Variants in UNC5D observed in about 807,000 individuals in gnomAD.
UNC5D encodes the protein unc-5 netrin receptor D, also known as netrin receptor UNC5D.
A neutral mutation model predicts 105.4 loss-of-function variants in UNC5D; 39 were observed. That is an observed-to-expected ratio of 0.37 (90% CI 0.29 to 0.48). UNC5D has a LOEUF of 0.48. Ranked by LOEUF, UNC5D falls within the 20% of genes least tolerant of loss-of-function variation. The probability of loss-of-function intolerance (pLI) is 0.98; values close to 1 mark genes in which losing one functional copy is unlikely to be tolerated. For missense variants in UNC5D, 991 were observed against 1,202.4 expected (o/e 0.82, Z 2.60); for synonymous variants, 452 against 450.4 (o/e 1.00, Z -0.04).
chr8:35,748,347 C>T (rs961435386), intron 11 of UNC5D, among the ~76,000 whole-genome samples, 180 bp from the exon 12 acceptor site: 17 of 152,128 alleles, frequency 1.1e-4, no homozygotes, highest in African/African-American at 3.9e-4. Flanking sequence ...AAACTCCTTC[C>T]GTGTGTCTGA....
intron 1 of UNC5D, among the ~76,000 whole-genome samples, chr8:35,498,877 T>C (rs964917864): frequency 6.6e-6 from 1 of 152,074 alleles, no homozygotes; most frequent in Non-Finnish European, 1.5e-5. Context: ...TCCTAGGATC[T>C]TTTTTCCCTA....
chr8:35,326,933 G>A (rs1190036370), intron 1 of UNC5D, among the ~76,000 whole-genome samples: 1 of 152,128 alleles, frequency 6.6e-6, no homozygotes, highest in Non-Finnish European at 1.5e-5. Context: ...AGAAGGAAGG[G>A]TCAATCCCTG....
In UNC5D at chr8:35,472,181, C is replaced by T. The variant is rs1203761708; in HGVS notation, c.104-77111C>T. ...AGAAAAGGAGATCTCATCAGAAGAA[C>T]ACTTATTATTCCCATAGGTAGGAAA... On this transcript the variant is annotated intron_variant, in intron 1 of 16. Transcript: ENST00000404895. 2.6e-5 allele frequency among the ~76,000 whole-genome samples: 4 copies of T among 152,148 alleles called. 1 individual carries two copies. The highest frequency in any genetic ancestry group is 2.6e-4 in the Admixed American group (4 of 15,262).
rs5890816 is a variant in UNC5D at position 35,482,793 on chromosome 8, C to CTTTTTTTT, written c.104-66480_104-66473dup. ...TATATCAGTGTGTCATTAAAGAGATCTTTTTTTTTTTTTTTTTTTTTTTTT... is the reference window on the plus strand; with the variant it reads ...TATATCAGTGTGTCATTAAAGAGATCTTTTTTTTTTTTTTTTTTTTTTTTTTTTTTTTT... On this transcript the variant is annotated intron_variant, in intron 1 of 16. Transcript: ENST00000404895. Among the ~76,000 whole-genome samples the CTTTTTTTT allele has an allele frequency of 2.3e-4, 18 of 78,146 alleles. 1 individual carries two copies. Among genetic ancestry groups the CTTTTTTTT allele is most frequent in the African/African-American group, 4.9e-4 (9 of 18,232 alleles). The allele number at this position is 78,146 out of a possible 152,430, so 51.3% of individuals were successfully genotyped here. A position where few individuals can be genotyped will look rare whatever the true frequency, so the allele number is the denominator to read the frequency against.
chr8:35,306,704 A>G (rs752836335), intron 1 of UNC5D, among the ~76,000 whole-genome samples: 6 of 152,174 alleles, frequency 3.9e-5, no homozygotes, highest in Non-Finnish European at 7.4e-5. Flanking sequence ...AATCATCACC[A>G]TCATGAATTG....
chr8:35,608,622 A>G (rs1219234322), intron 4 of UNC5D, among the ~76,000 whole-genome samples: 3 of 152,092 alleles, frequency 2.0e-5, no homozygotes, highest in African/African-American at 4.8e-5. Context: ...CATCTCCACT[A>G]TCTGTCATTT....
intron 4 of UNC5D, 48 bp downstream of exon 4, chr8:35,595,705 C>T (rs1456218197): frequency 1.3e-6 from 2 of 1,558,230 alleles, no homozygotes; most frequent in Non-Finnish European, 1.8e-6. Context: ...CAGGCCTGTT[C>T]CCAAGAGGGA....
At position 35,507,306 on chromosome 8, in the gene UNC5D, C is replaced by T. The variant is rs1003875437; in HGVS notation, c.104-41986C>T. ...TCCTGACCTCGTGATCCGCCCGCCT[C>T]GGCCTCCCAAAGTGCTGGGATTACA... On this transcript the variant is annotated intron_variant, in intron 1 of 16. Coordinates refer to ENST00000404895, the MANE Select transcript of UNC5D (RefSeq NM_080872.4). 1.3e-4 allele frequency among the ~76,000 whole-genome samples: 20 copies of T among 152,152 alleles called. No homozygotes were observed. The East Asian group carries it at 1.9e-3, about 15-fold the overall frequency.
At chr8:35,787,820 A>G (rs1802818158) in intron 16 of UNC5D, among the ~76,000 whole-genome samples, 2 of 151,972 alleles carry the variant, frequency 1.3e-5, no homozygotes, top group South Asian at 4.1e-4. Context: ...AAGTCTTGCT[A>G]TGTTTTCCAG....
intron 3 of UNC5D, among the ~76,000 whole-genome samples, chr8:35,581,107 C>T (rs1012729590): frequency 6.6e-5 from 10 of 152,096 alleles, no homozygotes; most frequent in Non-Finnish European, 1.0e-4. Flanking sequence ...GAATCCTCAT[C>T]TCTGGAAGGA....
rs113814234 is a variant in UNC5D at position 35,593,614 on chromosome 8, T to A, written c.467-1940T>A. ...TTTCTACAGAAAATTTTTTAAAAAG[T>A]AGCCATGTGTGATGTCACACACCTG... On this transcript the variant is annotated intron_variant, in intron 3 of 16. Transcript: ENST00000404895. 9.6e-3 allele frequency among the ~76,000 whole-genome samples: 1,457 copies of A among 152,108 alleles called. 23 individuals carry two copies. Among genetic ancestry groups the A allele is most frequent in the African/African-American group, 0.034 (1,398 of 41,482 alleles).
At chr8:35,589,851 A>C (rs1174940231) in intron 3 of UNC5D, among the ~76,000 whole-genome samples, 2 of 152,156 alleles carry the variant, frequency 1.3e-5, no homozygotes, top group Admixed American at 6.5e-5. Flanking sequence ...TTATTGCTAA[A>C]CAGAATGCCA....
intron 1 of UNC5D, among the ~76,000 whole-genome samples, chr8:35,258,266 A>T (rs1427851382): frequency 1.3e-5 from 2 of 152,262 alleles, no homozygotes; most frequent in African/African-American, 4.8e-5. Flanking sequence ...TCATCAGGGC[A>T]GAGCCCTCAT....
chr8:35,477,668 C>T (rs533060402), intron 1 of UNC5D, among the ~76,000 whole-genome samples: 3 of 152,102 alleles, frequency 2.0e-5, no homozygotes, highest in South Asian at 4.2e-4. Flanking sequence ...TCAACTGAAA[C>T]GTCAAAATTC....
chr8:35,245,350 A>T (rs963001198), intron 1 of UNC5D, among the ~76,000 whole-genome samples: 6 of 152,246 alleles, frequency 3.9e-5, no homozygotes, highest in African/African-American at 1.4e-4. Context: ...ACTGTGTTGT[A>T]AGCCTTTTGA....
intron 1 of UNC5D, among the ~76,000 whole-genome samples, chr8:35,288,298 A>G (rs920630874): frequency 6.6e-5 from 10 of 152,292 alleles, no homozygotes; most frequent in Admixed American, 1.3e-4. Flanking sequence ...GTGGGATGGT[A>G]TACTCAGAAT....
chr8:35,514,527 GC>G (rs1812989423), intron 1 of UNC5D, among the ~76,000 whole-genome samples: 1 of 152,224 alleles, frequency 6.6e-6, no homozygotes, highest in Non-Finnish European at 1.5e-5. Flanking sequence ...TCTCGCAGTT[GC>G]TAGAAATTAG....
chr8:35,599,431 C>G (rs1563575192), intron 4 of UNC5D, among the ~76,000 whole-genome samples: 1 of 151,994 alleles, frequency 6.6e-6, no homozygotes, highest in African/African-American at 2.4e-5. Flanking sequence ...CCTTATTTAG[C>G]CATTCGACAG....
intron 2 of UNC5D, among the ~76,000 whole-genome samples, chr8:35,553,510 A>G (rs1331663649): frequency 1.3e-5 from 2 of 152,154 alleles, no homozygotes; most frequent in Non-Finnish European, 2.9e-5. Flanking sequence ...TTTTTTGTAA[A>G]GAACTTAATA....
Sources: allele counts gnomAD v4.1 joint callset (sites outside exome capture counted in the v4.1 genomes callset), GRCh38; gene constraint gnomAD v4.1.1; transcripts MANE v1.5; gene names NCBI Gene and HGNC (gene_info 2026-07-23, HGNC 2026-07-21).